Variants in MAGI2 observed in about 807,000 individuals in gnomAD.
MAGI2 encodes membrane-associated guanylate kinase, WW and PDZ domain-containing protein 2.
In MAGI2, 35 loss-of-function variants were observed where a neutral mutation model predicts 133.3. That is an observed-to-expected ratio of 0.26 (90% confidence interval 0.20 to 0.35). MAGI2 has a LOEUF of 0.35. MAGI2 is among the 10% of genes least tolerant of loss of function. MAGI2 has a pLI of 1.00. For synonymous variants in MAGI2, 729 were observed against 710.6 expected (o/e 1.03, Z -0.41); for missense variants, 1,636 against 1,863.4 (o/e 0.88, Z 2.25).
At position 78,019,266 on chromosome 7, in the gene MAGI2, A is replaced by C. The variant is rs758160887; in HGVS notation, c.*49T>G. The C allele has an allele frequency of 6.4e-7, 1 of 1,572,158 alleles. No individual in the cohort carries two copies. The highest frequency in any genetic ancestry group is 8.6e-7 in the Non-Finnish European group (1 of 1,167,136). The stretch of plus-strand genomic sequence containing the variant: ...TTAAAACGCCGTGAGACGGAACCTA[A>C]GAAGAACTGCCTGCGCCGGGGCGGG... On this transcript the variant is annotated 3_prime_UTR_variant, in exon 22 of 22. Coordinates refer to ENST00000354212, the MANE Select transcript of MAGI2 (RefSeq NM_012301.4).
intron 2 of MAGI2, among the ~76,000 whole-genome samples, chr7:78,781,896 A>G (rs968093022): frequency 6.6e-6 from 1 of 152,190 alleles, no homozygotes; most frequent in African/African-American, 2.4e-5. Context: ...TTTAAGAACA[A>G]AATGTAAATA....
rs1175712509 is a variant in MAGI2, at chr7:78,058,669, G to C, written c.3706+20278C>G. Among the ~76,000 whole-genome samples, 3 of 151,968 alleles carry C rather than the reference G, an allele frequency of 2.0e-5. No homozygotes were observed. The East Asian group carries it at 5.8e-4, about 29-fold the overall frequency. ...ATCCCAAAGTGCTGGGATTACAGGC[G>C]TGAGCTACCACTCCTGGCCACGTGT... On this transcript the variant is annotated intron_variant, in intron 21 of 21. Coordinates refer to ENST00000354212, the MANE Select transcript of MAGI2 (RefSeq NM_012301.4).
rs752944905 is a variant in MAGI2 at position 78,019,188 on chromosome 7, T to C, written c.*127A>G. 2.3e-5 allele frequency: 26 copies of C among 1,136,604 alleles called. No individual in the cohort carries two copies. Among genetic ancestry groups the C allele is most frequent in the Non-Finnish European group, 3.1e-5 (25 of 809,650 alleles). The allele number at this position is 1,136,604 out of a possible 1,614,324, so 70.4% of individuals were successfully genotyped here. ...CCGGACACGTGGGACTTCACGTCGA[T>C]GCTCCCAGGCCTTGGTGCCTCGTGG... On this transcript the variant is annotated 3_prime_UTR_variant, in exon 22 of 22. Transcript: ENST00000354212.
At chr7:78,365,899 C>G (rs1461981379) in intron 7 of MAGI2, among the ~76,000 whole-genome samples, 1 of 152,196 alleles carries the variant, frequency 6.6e-6, no homozygotes, top group Non-Finnish European at 1.5e-5. Flanking sequence ...GTGCTAGAGA[C>G]ATTACACTGA....
intron 2 of MAGI2, among the ~76,000 whole-genome samples, chr7:78,900,546 C>G (rs1797545793): frequency 6.6e-6 from 1 of 152,096 alleles, no homozygotes; most frequent in African/African-American, 2.4e-5. Flanking sequence ...CTCCAAATGC[C>G]ATGGTTCTCT....
At chr7:79,170,132 T>C (rs1244087011) in intron 1 of MAGI2, among the ~76,000 whole-genome samples, 3 of 145,354 alleles carry the variant, frequency 2.1e-5, no homozygotes, top group African/African-American at 5.1e-5. Context: ...CTTTGAGATA[T>C]TATACTTTTT....
chr7:78,194,981 G>A lies in MAGI2; in HGVS notation c.2162C>T (p.Pro721Leu), dbSNP rs1399515378. ...AGGAAAGGAGCTCCTGTGAAGGGCA[G>A]GTGGGAAGGGCAGGTTCTGCGGTAT... The part of the protein sequence containing the change: ...PAIPQNLPFP[P>L]ALHRSSFPDS... Residue 721 changes from proline (P) to leucine (L), a missense_variant, in exon 12 of 22, where the codon CCT becomes CTT. Coordinates refer to ENST00000354212, the MANE Select transcript of MAGI2 (RefSeq NM_012301.4). 1 of 1,614,130 alleles carries A rather than the reference G, an allele frequency of 6.2e-7. No homozygotes were observed. The highest frequency in any genetic ancestry group is 1.1e-5 in the South Asian group (1 of 91,066).
chr7:78,257,093 T>C (rs1204999078), intron 9 of MAGI2, among the ~76,000 whole-genome samples: 1 of 152,176 alleles, frequency 6.6e-6, no homozygotes. Context: ...TTTCCATCTA[T>C]AGCAGGTAAT....
intron 2 of MAGI2, among the ~76,000 whole-genome samples, chr7:78,978,093 C>T (rs905162841): frequency 1.3e-5 from 2 of 151,734 alleles, no homozygotes; most frequent in African/African-American, 2.4e-5. Flanking sequence ...ATAATACGGC[C>T]ACTTTGGAAG....
intron 2 of MAGI2, among the ~76,000 whole-genome samples, chr7:78,877,748 A>G (rs1795540728): frequency 6.6e-6 from 1 of 152,204 alleles, no homozygotes. Flanking sequence ...AAACTGTCAA[A>G]TAAAAAATAT....
chr7:78,688,658 G>A (rs1331867110), intron 2 of MAGI2, among the ~76,000 whole-genome samples: 3 of 152,184 alleles, frequency 2.0e-5, no homozygotes, highest in African/African-American at 4.8e-5. Context: ...TTATCAGTGC[G>A]AGGTGGAAAG....
At chr7:78,449,134 A>G (rs562345729) in intron 6 of MAGI2, among the ~76,000 whole-genome samples, 1 of 152,082 alleles carries the variant, frequency 6.6e-6, no homozygotes, top group East Asian at 1.9e-4. Context: ...CATCACTATC[A>G]TTGGCACCTT....
intron 2 of MAGI2, among the ~76,000 whole-genome samples, chr7:78,876,570 A>G (rs1210879097): frequency 6.6e-6 from 1 of 152,120 alleles, no homozygotes; most frequent in Non-Finnish European, 1.5e-5. Flanking sequence ...GTAACCACCA[A>G]AAGGAAGGAG....
intron 1 of MAGI2, among the ~76,000 whole-genome samples, chr7:79,217,835 C>T (rs982275338): frequency 1.1e-4 from 17 of 151,934 alleles, no homozygotes; most frequent in African/African-American, 3.9e-4. Context: ...GTGCTTGGTA[C>T]ATAATAAGCA....
chr7:79,022,222 A>G (rs1809402216), intron 1 of MAGI2, among the ~76,000 whole-genome samples: 3 of 152,202 alleles, frequency 2.0e-5, no homozygotes, highest in Admixed American at 2.0e-4. Flanking sequence ...TGCTAAGAAA[A>G]TCACTCGAAA....
At chr7:78,757,217 C>G (rs1388906754) in intron 2 of MAGI2, among the ~76,000 whole-genome samples, 2 of 152,070 alleles carry the variant, frequency 1.3e-5, no homozygotes, top group East Asian at 3.9e-4. Flanking sequence ...AGGACAGCCT[C>G]TCTGTTTGTG....
chr7:79,135,062 G>A (rs1360307259), intron 1 of MAGI2, among the ~76,000 whole-genome samples: 2 of 152,144 alleles, frequency 1.3e-5, no homozygotes, highest in Non-Finnish European at 2.9e-5. Flanking sequence ...CCTATATTTG[G>A]AGAATGAGTC....
At chr7:79,162,494 G>A (rs1824466164) in intron 1 of MAGI2, among the ~76,000 whole-genome samples, 1 of 152,018 alleles carries the variant, frequency 6.6e-6, no homozygotes, top group African/African-American at 2.4e-5. Flanking sequence ...GATAAAATTA[G>A]GTCAAGGTCA....
At chr7:78,270,169 C>T (rs752466935) in intron 9 of MAGI2, among the ~76,000 whole-genome samples, 12 of 152,014 alleles carry the variant, frequency 7.9e-5, no homozygotes, top group Admixed American at 2.0e-4. Context: ...GTTAATGTAG[C>T]CTTGTAGTAT....
Sources: gnomAD v4.1 joint callset for allele counts (sites outside exome capture counted in the v4.1 genomes callset) on GRCh38, gnomAD v4.1.1 for gene constraint, MANE v1.5 for transcripts, NCBI Gene and HGNC (gene_info 2026-07-23, HGNC 2026-07-21) for gene names.